CST1: variants seen among roughly 807,000 people sequenced by gnomAD.
The protein encoded by CST1 is cystatin SN.
CST1 carries 19 observed loss-of-function variants against 10.7 expected under a neutral mutation model. The observed-to-expected ratio is 1.78, with a 90% CI of 1.24 to 2.61. The LOEUF is 2.61. Ranked by LOEUF, CST1 falls within the 30% of genes most tolerant of loss-of-function variation. CST1 has a pLI of 0.00. For synonymous variants in CST1, 95 were observed against 72.8 expected, an observed-to-expected ratio of 1.31 and a Z score of -1.55; for missense variants, 247 against 178.1, an observed-to-expected ratio of 1.39 and a Z score of -2.20.
intron 2 of CST1, 28 bp downstream of exon 2, chr20:23,748,988 T>C (rs766256150): frequency 6.2e-7 from 1 of 1,613,888 alleles, no homozygotes; most frequent in Non-Finnish European, 8.5e-7. Context: ...AGTGCATGAC[T>C]GGCCCGGGAC....
chr20:23,747,566 A>T lies in CST1; in HGVS notation c.*250T>A. On this transcript the variant is annotated 3_prime_UTR_variant, in exon 3 of 3. Coordinates refer to ENST00000304749, the MANE Select transcript of CST1 (RefSeq NM_001898.3). Reference sequence around the variant, plus strand: ...ACAGCCAAGAACTCAGAGGGAGGCGATGCTACTGTTTAATTGCAGGAGGTG... The same window carrying T: ...ACAGCCAAGAACTCAGAGGGAGGCGTTGCTACTGTTTAATTGCAGGAGGTG... 1.8e-6 allele frequency: 1 copy of T among 549,842 alleles called. No individual in the cohort carries two copies. 34.1% of individuals were successfully genotyped at this position (549,842 alleles called of 1,614,324 possible).
In CST1 at chr20:23,750,823, A is replaced by T. The variant is rs753833000; in HGVS notation, c.44T>A (p.Leu15Gln). The T allele has an allele frequency of 3.1e-6, 5 of 1,613,924 alleles. No individual in the cohort carries two copies. Among genetic ancestry groups the T allele is most frequent in the South Asian group, 2.2e-5 (2 of 91,022 alleles). ...LSTLLLLLAT[L>Q]AVALAWSPKE... ...GGGGCTCCAGGCCAGGGCCACAGCT[A>T]GGGTGGCCAGCAGGAGCAGCAGGGT... Residue 15 changes from leucine to glutamine, a missense_variant, in exon 1 of 3, where the codon CTA becomes CAA. Leu to Gln is a moderately radical substitution (Grantham distance 113, BLOSUM62 -2). Transcript: ENST00000304749.
rs777121328 is a variant in CST1, at chr20:23,750,761, T to C, written c.106A>G (p.Asn36Asp). ...EDRIIPGGIY[N>D]ADLNDEWVQR... ...ACCCACTCATCATTGAGGTCTGCGT[T>C]ATAGATGCCACCCGGGATTATCCTA... Residue 36 changes from asparagine (N) to aspartate (D), a missense_variant, in exon 1 of 3, where the codon AAC (asparagine) becomes GAC (aspartate). By Grantham distance (23) the Asn-to-Asp change is conservative (BLOSUM62 1). Transcript: ENST00000304749. 17 of 1,614,052 alleles carry C rather than the reference T, an allele frequency of 1.1e-5. No individual in the cohort carries two copies. The highest frequency in any genetic ancestry group is 1.6e-4 in the Middle Eastern group (1 of 6,084).
intron 2 of CST1, among the ~76,000 whole-genome samples, chr20:23,748,249 G>A (rs1982724521): frequency 6.6e-6 from 1 of 152,084 alleles, no homozygotes; most frequent in African/African-American, 2.4e-5. Flanking sequence ...CAGCACCCAG[G>A]CCAGCACTAA....
intron 2 of CST1, among the ~76,000 whole-genome samples, chr20:23,748,342 T>C (rs4513357): frequency 0.73 from 110,859 of 151,276 alleles, 41,331 homozygotes; most frequent in African/African-American, 0.87. Context: ...AAGGGGAGTG[T>C]GGCTCTCCCC....
chr20:23,750,332 C>T (rs1982795223), intron 1 of CST1, among the ~76,000 whole-genome samples: 1 of 152,152 alleles, frequency 6.6e-6, no homozygotes, highest in Non-Finnish European at 1.5e-5. Flanking sequence ...TGGCCTGGAT[C>T]TCATCCTGAG....
chr20:23,749,033 G>T lies in CST1; in HGVS notation c.325C>A (p.Gln109Lys), dbSNP rs139812159. 7.1e-5 allele frequency: 115 copies of T among 1,614,198 alleles called. No individual in the cohort carries two copies. In the African/African-American group the frequency reaches 1.4e-3, roughly 19 times the overall value. The stretch of plus-strand genomic sequence containing the variant: ...GAACGTACCTTCTGCAGTTCTGGCT[G>T]TTCATGGAAGGCACAGGTGTCCAAG... ...PNLDTCAFHE[Q>K]PELQKKQLCS... is the part of the protein sequence containing the mutation. Residue 109 changes from glutamine to lysine, a missense_variant, in exon 2 of 3, where the codon CAG (glutamine) becomes AAG (lysine). Transcript: ENST00000304749.
Position 23,749,098 on chromosome 20 carries a change from A to T in CST1, c.260T>A (p.Val87Glu), listed in dbSNP as rs1456833187. ...TVGGVNYFFD[V>E]EVGRTICTKS... ...GGTACATATGGTGCGGCCCACCTCTACGTCGAAGAAGTAATTCACCCCCCC... is the reference window on the plus strand; with the variant it reads ...GGTACATATGGTGCGGCCCACCTCTTCGTCGAAGAAGTAATTCACCCCCCC... The change falls in exon 2 of 3, where the codon GTA becomes GAA. Residue 87 changes from valine (V) to glutamate (E), a missense_variant. Val to Glu is a moderately radical substitution (Grantham distance 121). Coordinates refer to ENST00000304749, the MANE Select transcript of CST1 (RefSeq NM_001898.3). 1 of 1,614,084 alleles carries T rather than the reference A, an allele frequency of 6.2e-7. No homozygotes were observed. Among genetic ancestry groups the T allele is most frequent in the South Asian group, 1.1e-5 (1 of 91,080 alleles).
chr20:23,748,692 G>A (rs1349850724), intron 2 of CST1, among the ~76,000 whole-genome samples: 1 of 151,944 alleles, frequency 6.6e-6, no homozygotes, highest in Admixed American at 6.5e-5. Context: ...GGACAACTAC[G>A]TAAACTCACT....
intron 1 of CST1, among the ~76,000 whole-genome samples, chr20:23,749,912 C>G (rs547242983): frequency 6.7e-6 from 1 of 149,894 alleles, no homozygotes; most frequent in Non-Finnish European, 1.5e-5. Context: ...AGAGGAGAAA[C>G]GGGGCTGGTG....
chr20:23,747,934 G>C, intron 2 of CST1, 35 bp from the exon 3 acceptor site: 1 of 1,589,750 alleles, frequency 6.3e-7, no homozygotes, highest in Non-Finnish European at 8.6e-7. Context: ...AATCAGTGTG[G>C]GTTACAGTTA....
rs556734979 is a variant in CST1 at position 23,748,317 on chromosome 20, T to A, written c.343-418A>T. Among the ~76,000 whole-genome samples, 91 of 152,172 alleles carry A rather than the reference T, an allele frequency of 6.0e-4. 1 individual carries two copies. Among genetic ancestry groups the A allele is most frequent in the African/African-American group, 2.2e-3 (91 of 41,524 alleles). ...AACTCCCCCTCAAAGAGCTGGGGCA[T>A]GGGGCAAGGGCAACAAGGGGAGTGT... is the stretch of plus-strand genomic sequence containing the variant. On this transcript the variant is annotated intron_variant, in intron 2 of 2. Transcript: ENST00000304749.
intron 1 of CST1, among the ~76,000 whole-genome samples, chr20:23,749,853 C>G (rs1374844570): frequency 6.7e-6 from 1 of 149,754 alleles, no homozygotes; most frequent in African/African-American, 2.5e-5. Flanking sequence ...ACCACGGCAC[C>G]AGGGAGTGTA....
rs570713444 is a variant in CST1, at chr20:23,749,813, T to G, written c.229-684A>C. Among the ~76,000 whole-genome samples, 5 of 150,532 alleles carry G rather than the reference T, an allele frequency of 3.3e-5. No homozygotes were observed. In the East Asian group the frequency reaches 7.9e-4, roughly 24 times the overall value. On this transcript the variant is annotated intron_variant, in intron 1 of 2. Transcript: ENST00000304749. ...TGTGCTTCACTCCAAGTTACTGTCA[T>G]GCTTGAAAGGGAGATGCAGGCCAGC...
At chr20:23,748,481 C>T (rs1259150551) in intron 2 of CST1, among the ~76,000 whole-genome samples, 1 of 152,098 alleles carries the variant, frequency 6.6e-6, no homozygotes, top group Non-Finnish European at 1.5e-5. Flanking sequence ...GCTGTGGCTG[C>T]ATGCAGGTGC....
rs1982705678 is a variant in CST1 at position 23,747,823 on chromosome 20, TC to T, written c.418del (p.Glu140AsnfsTer68). The T allele has an allele frequency of 6.2e-7, 1 of 1,613,726 alleles. No individual in the cohort carries two copies. Among genetic ancestry groups the T allele is most frequent in the African/African-American group, 1.3e-5 (1 of 74,896 alleles). On this transcript the variant is annotated frameshift_variant, in exon 3 of 3. Transcript: ENST00000304749. LOFTEE classifies it high-confidence loss of function. Reference sequence around the variant, plus strand: ...ATGGCCTGGCACAGATCCCTAGGATTCTTGACACCTGGATTTCACCAGGGAC... The same window carrying T: ...ATGGCCTGGCACAGATCCCTAGGATTTTGACACCTGGATTTCACCAGGGAC... ...RRSLVKSRCQ[E>X]S
chr20:23,747,653 G>C lies in CST1; in HGVS notation c.*163C>G. 1.6e-6 allele frequency: 1 copy of C among 641,512 alleles called. No homozygotes were observed. Among genetic ancestry groups the C allele is most frequent in the South Asian group, 1.9e-5 (1 of 52,532 alleles). 39.7% of individuals were successfully genotyped at this position (641,512 alleles called of 1,614,324 possible). ...AAGAAGGAAGGAGGGAGGGCAGAGC[G>C]CCCTGCTGAGCAACAAAGGACTCCT... is the stretch of plus-strand genomic sequence containing the variant. On this transcript the variant is annotated 3_prime_UTR_variant, in exon 3 of 3. Coordinates refer to ENST00000304749, the MANE Select transcript of CST1 (RefSeq NM_001898.3).
Position 23,747,770 on chromosome 20 carries a change from G to A in CST1, c.*46C>T, listed in dbSNP as rs780921502. On this transcript the variant is annotated 3_prime_UTR_variant, in exon 3 of 3. Transcript: ENST00000304749. ...AGTCCAGGGGTGGGAGCACTACAGG[G>A]GGTGGGAGTGGGTGGTGGCTGGTGC... 3.2e-5 allele frequency: 51 copies of A among 1,580,776 alleles called. No individual in the cohort carries two copies. The highest frequency in any genetic ancestry group is 1.8e-4 in the South Asian group (16 of 89,746).
chr20:23,747,734 T>C lies in CST1; in HGVS notation c.*82A>G. The C allele has an allele frequency of 7.4e-7, 1 of 1,353,776 alleles. No homozygotes were observed. The highest frequency in any genetic ancestry group is 1.0e-6 in the Non-Finnish European group (1 of 970,626). The allele number at this position is 1,353,776 out of a possible 1,614,324, so 83.9% of individuals were successfully genotyped here. ...GCACATGGGGAGGCCTCCCGCAGGG[T>C]GGGGGCCACCAGTCCAGGGGTGGGA... is the stretch of plus-strand genomic sequence containing the variant. On this transcript the variant is annotated 3_prime_UTR_variant, in exon 3 of 3. Transcript: ENST00000304749.
Sources: gnomAD v4.1 joint callset for allele counts (sites outside exome capture counted in the v4.1 genomes callset) on GRCh38, gnomAD v4.1.1 for gene constraint, MANE v1.5 for transcripts, NCBI Gene and HGNC (gene_info 2026-07-23, HGNC 2026-07-21) for gene names.